The following MALT1 variants were observed in gnomAD, a reference collection of about 807,000 sequenced individuals.
MALT1 encodes the protein MALT1 paracaspase.
MALT1 carries 36 observed loss-of-function variants against 85.5 expected under a neutral mutation model. The ratio of observed to expected loss-of-function variants is 0.42; its 90% CI spans 0.32 to 0.56. MALT1 has a LOEUF of 0.56. MALT1 is among the 20% of genes least tolerant of loss of function. MALT1 has a pLI of 0.10. For missense variants in MALT1, 716 were observed against 981.6 expected, an observed-to-expected ratio of 0.73 and a Z score of 3.62; for synonymous variants, 359 against 361.3, an observed-to-expected ratio of 0.99 and a Z score of 0.07.
intron 13 of MALT1, among the ~76,000 whole-genome samples, chr18:58,737,382 T>C (rs2144472111): frequency 6.6e-6 from 1 of 151,928 alleles, no homozygotes; most frequent in East Asian, 1.9e-4. Context: ...CTCGCGAGAC[T>C]TAGGTGGGAG....
chr18:58,736,153 AT>A (rs2055218646), intron 13 of MALT1, among the ~76,000 whole-genome samples: 1 of 152,150 alleles, frequency 6.6e-6, no homozygotes. Flanking sequence ...AAAAGAAGAA[AT>A]TATTTTACAA....
chr18:58,701,583 T>G (rs72960729), intron 4 of MALT1, among the ~76,000 whole-genome samples: 9 of 152,234 alleles, frequency 5.9e-5, no homozygotes, highest in Non-Finnish European at 1.2e-4. Flanking sequence ...TTACCAGTTA[T>G]GCAATTCATT....
chr18:58,687,279 C>G (rs1321338173), intron 2 of MALT1, among the ~76,000 whole-genome samples: 1 of 152,120 alleles, frequency 6.6e-6, no homozygotes, highest in Non-Finnish European at 1.5e-5. Context: ...GGCTGGTGAG[C>G]AAGGCCTGAA....
chr18:58,730,492 T>G (rs2055132690), intron 10 of MALT1, among the ~76,000 whole-genome samples: 1 of 152,212 alleles, frequency 6.6e-6, no homozygotes, highest in Non-Finnish European at 1.5e-5. Flanking sequence ...ACTTCATTAT[T>G]TTAGGGCTAG....
At chr18:58,723,001 T>G (rs2055004991) in intron 9 of MALT1, 47 bp from the exon 10 acceptor site, 1 of 1,399,598 alleles carries the variant, frequency 7.1e-7, no homozygotes, top group African/African-American at 1.4e-5. Flanking sequence ...GGTTTTGTTT[T>G]AATCTTTATA....
chr18:58,735,109 T>C, intron 12 of MALT1, 93 bp from the exon 13 acceptor site: 1 of 1,158,082 alleles, frequency 8.6e-7, no homozygotes, highest in Non-Finnish European at 1.2e-6. Flanking sequence ...TGGGTGCTTC[T>C]CTGAGTTCAT....
intron 2 of MALT1, among the ~76,000 whole-genome samples, chr18:58,693,150 G>C (rs796382543): frequency 5.9e-5 from 9 of 152,348 alleles, no homozygotes; most frequent in African/African-American, 2.2e-4. Flanking sequence ...GCTCGTAATT[G>C]ATCATGGTGT....
In MALT1 at chr18:58,749,949, T is replaced by TG. The variant is rs2055424594; in HGVS notation, c.*2108dup. 1 of 208,810 alleles carries TG rather than the reference T, an allele frequency of 4.8e-6. No individual in the cohort carries two copies. The highest frequency in any genetic ancestry group is 5.9e-5 in the Admixed American group (1 of 16,910). The allele number at this position is 208,810 out of a possible 1,614,324, so 12.9% of individuals were successfully genotyped here. ...CACTACTTCTATTCAGCATTGTACT[T>TG]GAAGTTCTAGCCACAGCAGTTAGGT... On this transcript the variant is annotated 3_prime_UTR_variant, in exon 17 of 17. Coordinates refer to ENST00000649217, the MANE Select transcript of MALT1 (RefSeq NM_006785.4).
intron 11 of MALT1, 118 bp from the exon 12 acceptor site, chr18:58,734,189 A>G: frequency 5.7e-6 from 6 of 1,052,280 alleles, no homozygotes; most frequent in Non-Finnish European, 8.1e-6. Context: ...TTTTGAATCT[A>G]TAATTTTAAA....
At chr18:58,737,374 C>T (rs912652545) in intron 13 of MALT1, among the ~76,000 whole-genome samples, 3 of 151,622 alleles carry the variant, frequency 2.0e-5, no homozygotes, top group South Asian at 2.1e-4. Context: ...GCCAGCTACT[C>T]GCGAGACTTA....
intron 9 of MALT1, among the ~76,000 whole-genome samples, chr18:58,721,248 G>A (rs1435424769): frequency 2.0e-5 from 3 of 152,058 alleles, no homozygotes; most frequent in East Asian, 1.9e-4. Context: ...GCGTGGTGGC[G>A]CATGCCTGTA....
At chr18:58,720,238 T>C (rs1429639610) in intron 9 of MALT1, among the ~76,000 whole-genome samples, 1 of 152,262 alleles carries the variant, frequency 6.6e-6, no homozygotes, top group Admixed American at 6.5e-5. Context: ...AAAACCATTA[T>C]AAATTGCTTT....
In MALT1 at chr18:58,750,801, T is replaced by C. The variant is rs1191097739; in HGVS notation, c.*2959T>C. On this transcript the variant is annotated 3_prime_UTR_variant, in exon 17 of 17. Transcript: ENST00000649217. ...AGAAAACAGAAGTAAATCTTTGTGA[T>C]GTTGGGCTTAGGAATGGTTTCTTAG... is the stretch of plus-strand genomic sequence containing the variant. The C allele has an allele frequency of 1.3e-5, 2 of 152,224 alleles. No individual in the cohort carries two copies. The highest frequency in any genetic ancestry group is 1.3e-4 in the Admixed American group (2 of 15,278). 9.4% of individuals were successfully genotyped at this position (152,224 alleles called of 1,614,324 possible). A position where few individuals can be genotyped will look rare whatever the true frequency, so the allele number is the denominator to read the frequency against.
intron 13 of MALT1, 168 bp from the exon 14 acceptor site, chr18:58,741,697 A>C (rs1464176610): frequency 2.3e-5 from 10 of 437,006 alleles, no homozygotes; most frequent in African/African-American, 2.0e-4. Flanking sequence ...GTAAAAATTA[A>C]AACATGCCTG....
chr18:58,734,280 C>G, intron 11 of MALT1, 27 bp from the exon 12 acceptor site: 1 of 1,496,904 alleles, frequency 6.7e-7, no homozygotes, highest in Non-Finnish European at 9.3e-7. Context: ...ATATTTCTAT[C>G]TGCCCTCCTC....
chr18:58,702,220 CAA>C (rs11380709), intron 4 of MALT1, among the ~76,000 whole-genome samples: 44 of 114,596 alleles, frequency 3.8e-4, no homozygotes, highest in Middle Eastern at 4.5e-3. Flanking sequence ...AAAAAAAATG[CAA>C]AAAAAAAAAA....
At chr18:58,675,164 G>C (rs1211171745) in intron 1 of MALT1, among the ~76,000 whole-genome samples, 1 of 152,158 alleles carries the variant, frequency 6.6e-6, no homozygotes, top group Non-Finnish European at 1.5e-5. Flanking sequence ...TCTTGCCCAA[G>C]CTATGTAAAT....
At chr18:58,720,436 AC>A (rs1438768258) in intron 9 of MALT1, among the ~76,000 whole-genome samples, 1 of 152,186 alleles carries the variant, frequency 6.6e-6, no homozygotes, top group African/African-American at 2.4e-5. Context: ...AGATTTACTT[AC>A]CCACCATCTT....
chr18:58,732,878 C>G (rs886529849), intron 10 of MALT1, among the ~76,000 whole-genome samples: 1 of 151,850 alleles, frequency 6.6e-6, no homozygotes, highest in African/African-American at 2.4e-5. Context: ...TCTTGAAATG[C>G]AAATTTTAAG....
Sources: gnomAD v4.1 joint callset for allele counts (sites outside exome capture counted in the v4.1 genomes callset) on GRCh38, gnomAD v4.1.1 for gene constraint, MANE v1.5 for transcripts, NCBI Gene and HGNC (gene_info 2026-07-23, HGNC 2026-07-21) for gene names.